Variants in RNGTT observed in about 807,000 individuals in gnomAD.
The protein encoded by RNGTT is mRNA-capping enzyme.
Under a neutral mutation model 79.3 loss-of-function variants are expected in RNGTT, and 33 were observed. The ratio of observed to expected loss-of-function variants is 0.42; its 90% CI spans 0.32 to 0.56. The LOEUF (loss-of-function observed/expected upper bound fraction) is 0.56. RNGTT is among the 20% of genes least tolerant of loss of function. The pLI is 0.17. For missense variants in RNGTT, 497 were observed against 739.1 expected (o/e 0.67, Z 3.80); for synonymous variants, 222 against 235.9 (o/e 0.94, Z 0.54).
intron 14 of RNGTT, among the ~76,000 whole-genome samples, chr6:88,629,340 G>A (rs907209048): frequency 6.6e-6 from 1 of 152,118 alleles, no homozygotes; most frequent in Non-Finnish European, 1.5e-5. Flanking sequence ...CAAAGATGCA[G>A]GGGGAAAAAA....
rs147901153 is a variant in RNGTT, at chr6:88,819,550, C to T, written c.1270-17918G>A. Reference sequence around the variant, plus strand: ...GTAAAGAGTCCTAATCCTTTGGCATCATAACCACCAGCTACTCTAATCTTA... The same window carrying T: ...GTAAAGAGTCCTAATCCTTTGGCATTATAACCACCAGCTACTCTAATCTTA... On this transcript the variant is annotated intron_variant, in intron 11 of 15. Transcript: ENST00000369485. Among the ~76,000 whole-genome samples the T allele has an allele frequency of 8.5e-5, 13 of 152,324 alleles. No homozygotes were observed. In the East Asian group the frequency reaches 1.7e-3, roughly 20 times the overall value.
chr6:88,661,687 T>C (rs1955509979), intron 14 of RNGTT, among the ~76,000 whole-genome samples: 1 of 152,006 alleles, frequency 6.6e-6, no homozygotes, highest in African/African-American at 2.4e-5. Flanking sequence ...ATAAAAAAAA[T>C]TGCCAACAAA....
chr6:88,615,124 T>C (rs1772170795), intron 14 of RNGTT, among the ~76,000 whole-genome samples: 1 of 152,222 alleles, frequency 6.6e-6, no homozygotes, highest in African/African-American at 2.4e-5. Flanking sequence ...GCTGTGAGAA[T>C]GGTTTTCATA....
At chr6:88,853,838 G>A (rs1213567808) in intron 8 of RNGTT, 74 bp from the exon 9 acceptor site, 2 of 888,978 alleles carry the variant, frequency 2.2e-6, no homozygotes, top group Non-Finnish European at 3.4e-6. Flanking sequence ...ATAACATACT[G>A]GTTTTCCATA....
chr6:88,789,958 G>T (rs1278085292), intron 12 of RNGTT, among the ~76,000 whole-genome samples: 2 of 152,132 alleles, frequency 1.3e-5, no homozygotes, highest in Non-Finnish European at 2.9e-5. Context: ...AAGTTTCAAA[G>T]ATTTTAGGAT....
At chr6:88,888,615 C>T (rs1240565095) in intron 8 of RNGTT, among the ~76,000 whole-genome samples, 1 of 152,122 alleles carries the variant, frequency 6.6e-6, no homozygotes, top group African/African-American at 2.4e-5. Flanking sequence ...TTGCATTATA[C>T]ATTATTATTA....
At chr6:88,844,923 C>A (rs1781438758) in intron 10 of RNGTT, among the ~76,000 whole-genome samples, 1 of 151,420 alleles carries the variant, frequency 6.6e-6, no homozygotes, top group African/African-American at 2.4e-5. Flanking sequence ...CCACCACTTC[C>A]AAATTTTAAA....
At chr6:88,632,015 G>A (rs1301213316) in intron 14 of RNGTT, among the ~76,000 whole-genome samples, 5 of 152,056 alleles carry the variant, frequency 3.3e-5, no homozygotes, top group African/African-American at 1.2e-4. Flanking sequence ...AGCTAGAGTG[G>A]TGTGGGACGC....
Position 88,774,545 on chromosome 6 carries a change from A to C in RNGTT, c.1339-4671T>G, listed in dbSNP as rs530454639. The stretch of plus-strand genomic sequence containing the variant: ...GTCAATGTTCATTGAAGCATTCTTC[A>C]CAAAAATTAAAAGGTAAAGACAATA... On this transcript the variant is annotated intron_variant, in intron 12 of 15. Coordinates refer to ENST00000369485, the MANE Select transcript of RNGTT (RefSeq NM_003800.5). 1.3e-4 allele frequency among the ~76,000 whole-genome samples: 20 copies of C among 152,340 alleles called. No individual in the cohort carries two copies. In the South Asian group the frequency reaches 3.9e-3, roughly 30 times the overall value.
intron 14 of RNGTT, among the ~76,000 whole-genome samples, chr6:88,616,876 A>G (rs113046338): frequency 2.6e-5 from 4 of 152,322 alleles, no homozygotes; most frequent in East Asian, 1.9e-4. Context: ...TTTGATGTAC[A>G]TAAGTTTTTA....
chr6:88,667,369 G>C (rs1774456456), intron 14 of RNGTT, among the ~76,000 whole-genome samples: 1 of 152,164 alleles, frequency 6.6e-6, no homozygotes, highest in Admixed American at 6.5e-5. Flanking sequence ...TGTTAGGCTG[G>C]CACTTCTACA....
intron 13 of RNGTT, among the ~76,000 whole-genome samples, chr6:88,712,254 T>C (rs1776344354): frequency 6.6e-6 from 1 of 152,208 alleles, no homozygotes; most frequent in African/African-American, 2.4e-5. Context: ...CTATGGGACT[T>C]CAAACATAGG....
intron 4 of RNGTT, among the ~76,000 whole-genome samples, chr6:88,923,692 G>A (rs951157587): frequency 1.3e-5 from 2 of 152,094 alleles, no homozygotes; most frequent in Admixed American, 6.5e-5. Flanking sequence ...CCCACCTAAT[G>A]TTAGGTGCAA....
intron 13 of RNGTT, among the ~76,000 whole-genome samples, chr6:88,679,797 T>C (rs1203947672): frequency 6.6e-6 from 1 of 152,196 alleles, no homozygotes; most frequent in African/African-American, 2.4e-5. Context: ...TAAATGTAGA[T>C]ATATCTCATC....
intron 4 of RNGTT, among the ~76,000 whole-genome samples, chr6:88,908,360 A>G (rs187256034): frequency 6.6e-6 from 1 of 152,346 alleles, no homozygotes; most frequent in East Asian, 1.9e-4. Context: ...CGCCTCTTCC[A>G]TGAAAAGGAA....
chr6:88,635,290 A>G (rs1279472550), intron 14 of RNGTT, among the ~76,000 whole-genome samples: 1 of 152,110 alleles, frequency 6.6e-6, no homozygotes, highest in African/African-American at 2.4e-5. Flanking sequence ...TGAAAATACA[A>G]AATCCAGAGA....
intron 14 of RNGTT, among the ~76,000 whole-genome samples, chr6:88,639,800 G>A (rs1209706666): frequency 6.6e-6 from 1 of 152,168 alleles, no homozygotes; most frequent in African/African-American, 2.4e-5. Flanking sequence ...TCAGAGCCAG[G>A]TACTGTTCTA....
intron 13 of RNGTT, among the ~76,000 whole-genome samples, chr6:88,696,980 G>A (rs1185475689): frequency 1.3e-5 from 2 of 152,012 alleles, no homozygotes; most frequent in African/African-American, 4.8e-5. Context: ...TCCAATAATA[G>A]CTATGATCAA....
chr6:88,799,177 A>C (rs1425831119), intron 12 of RNGTT, among the ~76,000 whole-genome samples: 1 of 152,148 alleles, frequency 6.6e-6, no homozygotes, highest in Non-Finnish European at 1.5e-5. Flanking sequence ...AAGCCATAGC[A>C]TTCATTGAGA....
Sources: allele counts gnomAD v4.1 joint callset (sites outside exome capture counted in the v4.1 genomes callset), GRCh38; gene constraint gnomAD v4.1.1; transcripts MANE v1.5; gene names NCBI Gene and HGNC (gene_info 2026-07-23, HGNC 2026-07-21).